Variants in KCNK10 observed in about 807,000 individuals in gnomAD.
KCNK10 encodes the protein potassium channel subfamily K member 10.
Under a neutral mutation model 47.7 loss-of-function variants are expected in KCNK10, and 25 were observed. The observed-to-expected ratio is 0.52, with a 90% CI of 0.38 to 0.73. The LOEUF is 0.73. Ranked by LOEUF, KCNK10 falls within the 30% of genes least tolerant of loss-of-function variation. The pLI is 0.00. For missense variants in KCNK10, 563 were observed against 714.5 expected, an observed-to-expected ratio of 0.79 and a Z score of 2.42; for synonymous variants, 303 against 285.6, an observed-to-expected ratio of 1.06 and a Z score of -0.61.
chr14:88,204,256 C>T (rs979197008), intron 4 of KCNK10, among the ~76,000 whole-genome samples: 4 of 152,222 alleles, frequency 2.6e-5, no homozygotes, highest in African/African-American at 9.6e-5. Flanking sequence ...AATAACAGCA[C>T]TGTGCCCTTG....
intron 2 of KCNK10, among the ~76,000 whole-genome samples, chr14:88,258,207 T>C (rs1316730782): frequency 2.0e-5 from 3 of 152,174 alleles, no homozygotes; most frequent in Non-Finnish European, 2.9e-5. Flanking sequence ...TCTCATGAAT[T>C]ACTGCATTTA....
chr14:88,229,471 C>A (rs1886094163), intron 3 of KCNK10, among the ~76,000 whole-genome samples: 1 of 133,636 alleles, frequency 7.5e-6, no homozygotes, highest in Admixed American at 7.4e-5. Context: ...TGTACCAATG[C>A]AAAGTATTAT....
chr14:88,323,361 C>G (rs1412529007), upstream of KCNK10: 14 of 926,920 alleles, frequency 1.5e-5, no homozygotes, highest in Non-Finnish European at 1.5e-5. Flanking sequence ...CCCCACTTCC[C>G]GCTCCCCGAA....
At chr14:88,290,655 A>G (rs12147230) in intron 1 of KCNK10, among the ~76,000 whole-genome samples, 41,145 of 152,102 alleles carry the variant, frequency 0.27, 6,617 homozygotes, top group Non-Finnish European at 0.36. Context: ...CTCAAAACTT[A>G]TAACAGATGG....
upstream of KCNK10, among the ~76,000 whole-genome samples, chr14:88,326,190 CAA>C (rs67499476): frequency 3.7e-5 from 5 of 134,282 alleles, no homozygotes; most frequent in Admixed American, 1.4e-4. Context: ...CGCCCCCCCC[CAA>C]AAAAAAATCC....
intron 3 of KCNK10, among the ~76,000 whole-genome samples, 164 bp downstream of exon 3, chr14:88,240,539 T>C (rs768041683): frequency 6.6e-5 from 10 of 152,220 alleles, no homozygotes; most frequent in Admixed American, 1.3e-4. Context: ...GCTTTGGCTT[T>C]TGTTGAAAGC....
intron 6 of KCNK10, 82 bp downstream of exon 6, chr14:88,187,885 G>A: frequency 2.1e-6 from 3 of 1,453,292 alleles, no homozygotes; most frequent in South Asian, 1.2e-5. Context: ...AAACACTCCA[G>A]CCCACAGGAC....
At chr14:88,226,591 C>T (rs1284931421) in intron 4 of KCNK10, among the ~76,000 whole-genome samples, 1 of 152,138 alleles carries the variant, frequency 6.6e-6, no homozygotes, top group Non-Finnish European at 1.5e-5. Flanking sequence ...TACATCTGAG[C>T]AAAACAGGTG....
intron 2 of KCNK10, among the ~76,000 whole-genome samples, chr14:88,257,636 G>C (rs1319170923): frequency 1.3e-5 from 2 of 152,192 alleles, no homozygotes; most frequent in Admixed American, 1.3e-4. Flanking sequence ...CTAACCAGGT[G>C]AACTTAAGCC....
intron 1 of KCNK10, among the ~76,000 whole-genome samples, chr14:88,295,668 T>C (rs1416839222): frequency 6.6e-6 from 1 of 152,036 alleles, no homozygotes. Flanking sequence ...TCAAAATAAA[T>C]AAATTAATTA....
intron 1 of KCNK10, among the ~76,000 whole-genome samples, chr14:88,275,756 A>G (rs1887513925): frequency 6.6e-6 from 1 of 151,524 alleles, no homozygotes; most frequent in Non-Finnish European, 1.5e-5. Flanking sequence ...AATCTAAGCT[A>G]CTTGGGAGGC....
intron 5 of KCNK10, 133 bp from the exon 6 acceptor site, chr14:88,188,242 A>T: frequency 1.8e-6 from 2 of 1,130,062 alleles, no homozygotes; most frequent in East Asian, 2.5e-5. Flanking sequence ...GCTGTGTACA[A>T]GGTGGACCGG....
At chr14:88,320,548 T>G (rs1888525793) in intron 1 of KCNK10, among the ~76,000 whole-genome samples, 1 of 152,194 alleles carries the variant, frequency 6.6e-6, no homozygotes, top group Admixed American at 6.5e-5. Flanking sequence ...CATGTCCTAC[T>G]CAACAAGTCC....
chr14:88,252,247 T>C (rs965400792), intron 2 of KCNK10, among the ~76,000 whole-genome samples: 18 of 152,134 alleles, frequency 1.2e-4, no homozygotes, highest in African/African-American at 4.1e-4. Flanking sequence ...AGGGGCACTA[T>C]TAACAATTAC....
At chr14:88,317,941 C>T (rs926022695) in intron 1 of KCNK10, among the ~76,000 whole-genome samples, 1 of 152,206 alleles carries the variant, frequency 6.6e-6, no homozygotes, top group East Asian at 1.9e-4. Flanking sequence ...AATAGCCACA[C>T]TCCAATAGCT....
intron 1 of KCNK10, among the ~76,000 whole-genome samples, chr14:88,320,542 T>C (rs992370938): frequency 6.6e-6 from 1 of 152,162 alleles, no homozygotes; most frequent in Non-Finnish European, 1.5e-5. Context: ...TGGGGACATG[T>C]CCTACTCAAC....
intron 2 of KCNK10, 31 bp downstream of exon 2, chr14:88,263,171 C>A: frequency 6.4e-7 from 1 of 1,562,210 alleles, no homozygotes; most frequent in South Asian, 1.1e-5. Flanking sequence ...ACCCCACCAG[C>A]TGGCCTAAGA....
intron 4 of KCNK10, among the ~76,000 whole-genome samples, chr14:88,196,305 G>A (rs1480101772): frequency 6.6e-6 from 1 of 152,214 alleles, no homozygotes; most frequent in Non-Finnish European, 1.5e-5. Context: ...GGAGGAGAGG[G>A]AGCCAGTTCT....
chr14:88,240,881 CA>C (rs3837636), intron 2 of KCNK10, 61 bp from the exon 3 acceptor site: 243,113 of 743,804 alleles, frequency 0.33, 12,876 homozygotes, highest in East Asian at 0.45. Flanking sequence ...TTTTTTTCTT[CA>C]AAAAAAAAAA....
Sources: allele counts gnomAD v4.1 joint callset (sites outside exome capture counted in the v4.1 genomes callset), GRCh38; gene constraint gnomAD v4.1.1; transcripts MANE v1.5; gene names NCBI Gene and HGNC (gene_info 2026-07-23, HGNC 2026-07-21).